CHSY3: variants seen among roughly 807,000 people sequenced by gnomAD.
CHSY3 encodes the protein chondroitin sulfate synthase 3.
A neutral mutation model predicts 67.2 loss-of-function variants in CHSY3; 35 were observed. The observed-to-expected ratio is 0.52, with a 90% confidence interval of 0.40 to 0.69. The LOEUF (loss-of-function observed/expected upper bound fraction) is 0.69, where lower values mean the gene tolerates loss of function less well. CHSY3 is among the 30% of genes least tolerant of loss of function. CHSY3 has a pLI of 0.00. For synonymous variants in CHSY3, 474 were observed against 434.7 expected (o/e 1.09, Z -1.12); for missense variants, 1,069 against 1,138.5 (o/e 0.94, Z 0.88).
At chr5:130,035,365 G>A (rs1764834200) in intron 2 of CHSY3, among the ~76,000 whole-genome samples, 2 of 152,054 alleles carry the variant, frequency 1.3e-5, no homozygotes, top group Non-Finnish European at 1.5e-5. Flanking sequence ...CAAGATTTCT[G>A]GTATAAACAG....
chr5:130,030,788 G>A (rs978957136), intron 2 of CHSY3, among the ~76,000 whole-genome samples: 1 of 151,966 alleles, frequency 6.6e-6, no homozygotes, highest in South Asian at 2.1e-4. Context: ...GTTATTCCCC[G>A]GAGCTAGGTT....
At chr5:129,997,201 G>C (rs1763566576) in intron 2 of CHSY3, among the ~76,000 whole-genome samples, 1 of 151,490 alleles carries the variant, frequency 6.6e-6, no homozygotes, top group Non-Finnish European at 1.5e-5. Flanking sequence ...AACCAGGTTA[G>C]GTCATTTTCT....
intron 2 of CHSY3, among the ~76,000 whole-genome samples, chr5:130,061,125 C>A (rs6896740): frequency 0.3 from 45,836 of 151,856 alleles, 7,299 homozygotes; most frequent in South Asian, 0.42. Context: ...GCAAAAAGAA[C>A]AAACCTGGAG....
At chr5:130,010,734 C>A (rs62391411) in intron 2 of CHSY3, among the ~76,000 whole-genome samples, 80,647 of 151,768 alleles carry the variant, frequency 0.53, 21,826 homozygotes, top group East Asian at 0.61. Context: ...TGATAGACCA[C>A]TAGGTAGACA....
chr5:130,032,512 T>C (rs1025678578), intron 2 of CHSY3, among the ~76,000 whole-genome samples: 1 of 152,128 alleles, frequency 6.6e-6, no homozygotes, highest in African/African-American at 2.4e-5. Context: ...ATGGTGCATG[T>C]TGCTATCACC....
intron 2 of CHSY3, among the ~76,000 whole-genome samples, chr5:130,099,328 C>CT (rs1767152133): frequency 6.6e-6 from 1 of 152,190 alleles, no homozygotes; most frequent in Non-Finnish European, 1.5e-5. Context: ...TCCAAACCTC[C>CT]TTTGATATGC....
intron 2 of CHSY3, among the ~76,000 whole-genome samples, chr5:129,977,740 A>ATATCATG (rs1762854982): frequency 1.3e-5 from 2 of 152,132 alleles, no homozygotes; most frequent in Non-Finnish European, 2.9e-5. Flanking sequence ...TGGTCAAAAT[A>ATATCATG]GTAGTGGTGA....
At chr5:130,061,558 G>T (rs531243260) in intron 2 of CHSY3, among the ~76,000 whole-genome samples, 1 of 151,876 alleles carries the variant, frequency 6.6e-6, no homozygotes, top group Non-Finnish European at 1.5e-5. Flanking sequence ...GACAAATGGG[G>T]CTTAATTAAA....
intron 2 of CHSY3, among the ~76,000 whole-genome samples, chr5:130,043,038 GGTCCAAA>G (rs1765047703): frequency 6.6e-6 from 1 of 151,814 alleles, no homozygotes; most frequent in Non-Finnish European, 1.5e-5. Context: ...AGTTATTGTT[GGTCCAAA>G]GAAAAAGCTG....
chr5:130,171,416 C>T (rs575014879), intron 2 of CHSY3, among the ~76,000 whole-genome samples: 2 of 152,070 alleles, frequency 1.3e-5, no homozygotes, highest in South Asian at 4.1e-4. Context: ...TGTCATTATA[C>T]CATGATAAAC....
rs2436347 is a variant in CHSY3, at chr5:129,904,772, G to T, written c.-58G>T. On this transcript the variant is annotated 5_prime_UTR_variant, in exon 1 of 3. Coordinates refer to ENST00000305031, the MANE Select transcript of CHSY3 (RefSeq NM_175856.5). ...CGGAGGAGGGGCGGGTGTGAGCCGG[G>T]GAAACCGCGTGCCGCGCCGCGACAG... The T allele has an allele frequency of 0.087, 113,420 of 1,307,130 alleles. 5,461 individuals carry two copies. The highest frequency in any genetic ancestry group is 0.15 in the African/African-American group (9,718 of 65,086). The allele number at this position is 1,307,130 out of a possible 1,614,324, so 81.0% of individuals were successfully genotyped here.
chr5:130,125,452 T>C (rs145518052), intron 2 of CHSY3, among the ~76,000 whole-genome samples: 7 of 151,794 alleles, frequency 4.6e-5, no homozygotes, highest in Non-Finnish European at 1.0e-4. Flanking sequence ...GATAGATAGA[T>C]AGACAGACAG....
At chr5:130,094,364 A>C (rs887140924) in intron 2 of CHSY3, among the ~76,000 whole-genome samples, 1 of 152,246 alleles carries the variant, frequency 6.6e-6, no homozygotes, top group Admixed American at 6.5e-5. Flanking sequence ...AACGTATTAT[A>C]AAACAAATGG....
intron 2 of CHSY3, among the ~76,000 whole-genome samples, chr5:129,913,731 A>G (rs914668930): frequency 6.6e-6 from 1 of 152,212 alleles, no homozygotes; most frequent in African/African-American, 2.4e-5. Context: ...GCCAAAGAAG[A>G]TATCTATTTC....
intron 2 of CHSY3, among the ~76,000 whole-genome samples, chr5:130,178,647 T>C (rs1010214767): frequency 1.3e-5 from 2 of 152,192 alleles, no homozygotes; most frequent in African/African-American, 4.8e-5. Flanking sequence ...GAATATTCTC[T>C]ATTTCTATAG....
chr5:129,948,859 T>C (rs1413824997), intron 2 of CHSY3, among the ~76,000 whole-genome samples: 1 of 152,154 alleles, frequency 6.6e-6, no homozygotes, highest in East Asian at 1.9e-4. Flanking sequence ...TATTTTTTTA[T>C]TATGGCCATT....
Position 129,905,259 on chromosome 5 carries a change from C to T in CHSY3, c.430C>T (p.Gln144Ter). The change falls in exon 1 of 3, where the codon CAG becomes TAG. Residue 144 changes from glutamine (Q) to a stop codon, truncating the protein, a stop_gained. Transcript: ENST00000305031. LOFTEE classifies it high-confidence loss of function. ...GGAGGAGGACGGGGGCGCGGCTGGG[C>T]AGCGGAGAGACGGCCGGCCGGGGAG... ...PEEEDGGAAG[Q>*]RRDGRPGSSH... The T allele has an allele frequency of 6.9e-7, 1 of 1,456,562 alleles. No homozygotes were observed. Among genetic ancestry groups the T allele is most frequent in the Non-Finnish European group, 9.0e-7 (1 of 1,107,312 alleles). The allele number at this position is 1,456,562 out of a possible 1,614,324, so 90.2% of individuals were successfully genotyped here.
At chr5:129,964,847 T>C (rs970913401) in intron 2 of CHSY3, among the ~76,000 whole-genome samples, 4 of 151,816 alleles carry the variant, frequency 2.6e-5, no homozygotes, top group Non-Finnish European at 5.9e-5. Flanking sequence ...TCTTCTCTTT[T>C]CCCCCACTTT....
At chr5:130,043,683 G>T (rs933103826) in intron 2 of CHSY3, among the ~76,000 whole-genome samples, 2 of 152,064 alleles carry the variant, frequency 1.3e-5, no homozygotes, top group Non-Finnish European at 2.9e-5. Flanking sequence ...TATAATGCTG[G>T]TTAGTCATTT....
Sources: gnomAD v4.1 joint callset for allele counts (sites outside exome capture counted in the v4.1 genomes callset) on GRCh38, gnomAD v4.1.1 for gene constraint, MANE v1.5 for transcripts, NCBI Gene and HGNC (gene_info 2026-07-23, HGNC 2026-07-21) for gene names.